Variants in KDM5C observed in about 807,000 individuals in gnomAD.
The protein encoded by KDM5C is lysine-specific demethylase 5C.
In KDM5C, 16 loss-of-function variants were observed where a neutral mutation model predicts 110.6. That is an observed-to-expected ratio of 0.14 (90% CI 0.10 to 0.22). KDM5C has a LOEUF of 0.22. Among genes scored for constraint, KDM5C ranks in the 10% least tolerant of loss-of-function variants. KDM5C has a pLI of 1.00. For synonymous variants in KDM5C, 511 were observed against 520.4 expected (o/e 0.98, Z 0.24); for missense variants, 681 against 1,300.9 (o/e 0.52, Z 7.33).
intron 12 of KDM5C, among the ~76,000 whole-genome samples, chrX:53,209,015 C>A (rs987659995): frequency 3.7e-5 from 4 of 108,324 alleles, no homozygotes; most frequent in African/African-American, 1.3e-4. Context: ...TGGGGTTTCA[C>A]CGTGTCGGCC....
chrX:53,193,380 G>A, intron 25 of KDM5C, 48 bp from the exon 26 acceptor site: 1 of 1,211,581 alleles, frequency 8.3e-7, no homozygotes, highest in Non-Finnish European at 1.1e-6. Context: ...CAGTGGTCAG[G>A]CCTGGGCTCC....
At chrX:53,217,728 T>C in intron 4 of KDM5C, 68 bp downstream of exon 4, 1 of 1,133,186 alleles carries the variant, frequency 8.8e-7, no homozygotes, top group Admixed American at 2.2e-5. Context: ...ACCAGTTTCA[T>C]TAAGAGCAAG....
At chrX:53,186,491 CGAATA>C (rs1206834902), downstream of KDM5C, among the ~76,000 whole-genome samples, 18 of 111,858 alleles carry the variant, frequency 1.6e-4, no homozygotes, top group African/African-American at 5.9e-4. Context: ...ACTCCACCAC[CGAATA>C]GAATAGAGTT....
chrX:53,206,954 C>G (rs2073354558), intron 12 of KDM5C, among the ~76,000 whole-genome samples: 1 of 104,126 alleles, frequency 9.6e-6, no homozygotes, highest in Admixed American at 1.0e-4. Flanking sequence ...GCAGGAGGAT[C>G]ACCTGAGGTC....
intron 25 of KDM5C, among the ~76,000 whole-genome samples, chrX:53,183,455 G>GAA (rs1226337267): frequency 1.0e-5 from 1 of 99,265 alleles, no homozygotes; most frequent in East Asian, 3.1e-4. Flanking sequence ...ACTGTGTCTT[G>GAA]AAAAAAAAAA....
chrX:53,180,685 C>A (rs1934011708), intron 25 of KDM5C, among the ~76,000 whole-genome samples: 1 of 106,301 alleles, frequency 9.4e-6, no homozygotes, highest in Non-Finnish European at 1.9e-5. Context: ...GCCTCAGCCA[C>A]CCGAGTAGCT....
At position 53,210,595 on chromosome X, in the gene KDM5C, G is replaced by GAC. The variant is rs782009830; in HGVS notation, c.1584-21_1584-20dup. 12 of 1,210,248 alleles carry GAC rather than the reference G, an allele frequency of 9.9e-6. No homozygotes were observed. The highest frequency in any genetic ancestry group is 1.2e-5 in the Non-Finnish European group (11 of 895,169). On this transcript the variant is annotated intron_variant, in intron 11 of 25. Coordinates refer to ENST00000375401, the MANE Select transcript of KDM5C (RefSeq NM_004187.5). ...CTCACCCCTGCACAAGTGGAAAAGG[G>GAC]ACACACACAGTAAATCACACCTTGG...
rs782378981 is a variant in KDM5C, at chrX:53,192,788, G to C, written c.*179C>G. ...CCAGGGGCCGGCCCCCAGGAGCTGA[G>C]GTCTGAACAATACCTTGGAGTCAGA... On this transcript the variant is annotated 3_prime_UTR_variant, in exon 26 of 26. Transcript: ENST00000375401. 1.7e-6 allele frequency: 2 copies of C among 1,149,901 alleles called. No individual in the cohort carries two copies. The highest frequency in any genetic ancestry group is 3.3e-5 in the East Asian group (1 of 30,045). 94.8% of individuals were successfully genotyped at this position (1,149,901 alleles called of 1,213,427 possible). A position where few individuals can be genotyped will look rare whatever the true frequency, so the allele number is the denominator to read the frequency against.
intron 17 of KDM5C, among the ~76,000 whole-genome samples, chrX:53,198,081 G>A (rs782817486): frequency 9.0e-6 from 1 of 111,675 alleles, no homozygotes; most frequent in East Asian, 2.8e-4. Context: ...GAAACTAATG[G>A]GTTGTAATAA....
In KDM5C at chrX:53,218,676, A is replaced by T. The variant is rs782232851; in HGVS notation, c.229-278T>A. 1.5e-3 allele frequency: 651 copies of T among 427,081 alleles called. 13 individuals are homozygous for T. In the Admixed American group the frequency reaches 0.018, roughly 12 times the overall value. The allele number at this position is 427,081 out of a possible 1,213,427, so 35.2% of individuals were successfully genotyped here. ...CTGTAGACTTGACCTCCTGGGCTCA[A>T]GTGATCCTCCTGCCTCAGCCTCCTG... On this transcript the variant is annotated intron_variant, in intron 2 of 25. Coordinates refer to ENST00000375401, the MANE Select transcript of KDM5C (RefSeq NM_004187.5).
chrX:53,197,692 T>C (rs2072999271), intron 18 of KDM5C, 79 bp downstream of exon 18: 17 of 829,245 alleles, frequency 2.1e-5, no homozygotes, highest in South Asian at 1.3e-4. Context: ...CTTTAAGCTT[T>C]TGAAAGGAGC....
intron 25 of KDM5C, among the ~76,000 whole-genome samples, chrX:53,183,173 C>T (rs1556826845): frequency 9.4e-6 from 1 of 106,405 alleles, no homozygotes; most frequent in Non-Finnish European, 1.9e-5. Context: ...ACCTGTAATC[C>T]CAACATTTTT....
chrX:53,218,716 T>C, intron 2 of KDM5C: 1 of 371,546 alleles, frequency 2.7e-6, no homozygotes, highest in South Asian at 2.8e-5. Context: ...GCTGGAACTA[T>C]AGGCGCACGC....
At chrX:53,195,479 C>A (rs2146829588) in intron 20 of KDM5C, 69 bp from the exon 21 acceptor site, 1 of 1,019,624 alleles carries the variant, frequency 9.8e-7, no homozygotes. Flanking sequence ...CTGTGCCTGG[C>A]CCTGAGCTGG....
In KDM5C at chrX:53,201,857, G is replaced by A. The variant is rs1210881768; in HGVS notation, c.1863C>T (p.Asp621=). The part of the protein sequence containing the change: ...FAEAVNFCTA[D]WLPAGRQCIE... ...TCCCACCACATTCTAGACTCACCCA[G>A]TCAGCAGTGCAAAAGTTGACAGCCT... is the stretch of plus-strand genomic sequence containing the variant. The change falls in exon 13 of 26, where the codon GAC becomes GAT. Residue 621 remains aspartate, a synonymous_variant. Transcript: ENST00000375401. 1.7e-6 allele frequency: 2 copies of A among 1,210,275 alleles called. No individual in the cohort carries two copies. The highest frequency in any genetic ancestry group is 3.5e-5 in the African/African-American group (2 of 57,166).
downstream of KDM5C, among the ~76,000 whole-genome samples, chrX:53,186,746 A>G (rs1442442038): frequency 8.9e-6 from 1 of 112,590 alleles, no homozygotes; most frequent in Non-Finnish European, 1.9e-5. Context: ...TTGATCCTGA[A>G]GGACAGTGAG....
chrX:53,203,778 T>G (rs2073227868), intron 12 of KDM5C, among the ~76,000 whole-genome samples: 1 of 109,670 alleles, frequency 9.1e-6, no homozygotes, highest in South Asian at 3.9e-4. Context: ...TTTTGTTTTT[T>G]TTTTTTGACG....
In KDM5C at chrX:53,208,305, T is replaced by C. The variant is rs1380134674; in HGVS notation, c.1746+2109A>G. ...GAGCAGGAGAAATGCTGTGGAGGTG[T>C]AAGCAAAAAGCACGTATTTTGGATT... On this transcript the variant is annotated intron_variant, in intron 12 of 25. Transcript: ENST00000375401. 2.1e-4 allele frequency among the ~76,000 whole-genome samples: 23 copies of C among 107,839 alleles called. No individual in the cohort carries two copies. In the Admixed American group the frequency reaches 2.3e-3, roughly 11 times the overall value. The allele number at this position is 107,839 out of a possible 115,157, so 93.6% of individuals were successfully genotyped here. A position where few individuals can be genotyped will look rare whatever the true frequency, so the allele number is the denominator to read the frequency against.
At chrX:53,196,260 C>T (rs1472553904) in intron 19 of KDM5C, among the ~76,000 whole-genome samples, 3 of 112,537 alleles carry the variant, frequency 2.7e-5, no homozygotes, top group Non-Finnish European at 5.6e-5. Context: ...ATCCCTTCTG[C>T]CACAGCTCTT....
Sources: allele counts gnomAD v4.1 joint callset (sites outside exome capture counted in the v4.1 genomes callset), GRCh38; gene constraint gnomAD v4.1.1; transcripts MANE v1.5; gene names NCBI Gene and HGNC (gene_info 2026-07-23, HGNC 2026-07-21).